Variants in RBMS3 observed in about 807,000 individuals in gnomAD.
RBMS3 encodes RNA-binding motif, single-stranded-interacting protein 3.
RBMS3 carries 27 observed loss-of-function variants against 66.8 expected under a neutral mutation model. That is an observed-to-expected ratio of 0.40 (90% confidence interval 0.30 to 0.56). The LOEUF (loss-of-function observed/expected upper bound fraction) is 0.56, where lower values mean the gene tolerates loss of function less well. Ranked by LOEUF, RBMS3 falls within the 20% of genes least tolerant of loss-of-function variation. RBMS3 has a pLI of 0.40. For synonymous variants in RBMS3, 188 were observed against 183.0 expected, an observed-to-expected ratio of 1.03 and a Z score of -0.22; for missense variants, 513 against 549.5, an observed-to-expected ratio of 0.93 and a Z score of 0.66.
At chr3:29,964,870 C>T (rs1445832400) in intron 12 of RBMS3, among the ~76,000 whole-genome samples, 3 of 152,020 alleles carry the variant, frequency 2.0e-5, no homozygotes, top group Non-Finnish European at 4.4e-5. Flanking sequence ...TCCTCACTCC[C>T]CTCCCACTCT....
At chr3:29,845,308 A>G (rs570782482) in intron 6 of RBMS3, among the ~76,000 whole-genome samples, 1 of 152,316 alleles carries the variant, frequency 6.6e-6, no homozygotes, top group African/African-American at 2.4e-5. Context: ...AAACTTTTAA[A>G]ACTTTCTGAA....
intron 12 of RBMS3, among the ~76,000 whole-genome samples, chr3:29,984,191 C>T (rs1253381303): frequency 1.3e-5 from 2 of 151,936 alleles, no homozygotes; most frequent in Admixed American, 6.6e-5. Flanking sequence ...CTTTCTTCCA[C>T]TTGATCAATT....
intron 4 of RBMS3, among the ~76,000 whole-genome samples, chr3:29,667,129 T>C (rs1422276549): frequency 6.6e-6 from 1 of 152,170 alleles, no homozygotes; most frequent in Non-Finnish European, 1.5e-5. Flanking sequence ...TTTCCCCAAA[T>C]AAATTGTAAA....
chr3:29,515,204 A>G (rs1018074043), intron 3 of RBMS3, among the ~76,000 whole-genome samples: 1 of 152,210 alleles, frequency 6.6e-6, no homozygotes, highest in Non-Finnish European at 1.5e-5. Flanking sequence ...TCCAAAATGA[A>G]TGTAAGTTTA....
intron 5 of RBMS3, among the ~76,000 whole-genome samples, chr3:29,746,583 G>A (rs2149359083): frequency 6.6e-6 from 1 of 152,200 alleles, no homozygotes; most frequent in South Asian, 2.1e-4. Flanking sequence ...CTTCTTTTGT[G>A]TGTCTCATCT....
chr3:29,611,535 A>G (rs890666536), intron 4 of RBMS3, among the ~76,000 whole-genome samples: 10 of 151,934 alleles, frequency 6.6e-5, no homozygotes, highest in Admixed American at 6.6e-4. Flanking sequence ...ATACTGTACA[A>G]AGCAATAAAA....
At chr3:29,799,034 A>G (rs1350140995) in intron 6 of RBMS3, among the ~76,000 whole-genome samples, 1 of 149,578 alleles carries the variant, frequency 6.7e-6, no homozygotes, top group Middle Eastern at 3.5e-3. Flanking sequence ...ATTAGCAACT[A>G]TTTCACAGAT....
At chr3:29,669,445 C>G (rs569872289) in intron 4 of RBMS3, among the ~76,000 whole-genome samples, 4 of 152,170 alleles carry the variant, frequency 2.6e-5, no homozygotes, top group African/African-American at 9.7e-5. Flanking sequence ...AGTGCCTTGT[C>G]CAAGGTCATG....
At chr3:29,688,564 ATTTTTTTTTTTTTTTTTTTTTT>A (rs55943638) in intron 4 of RBMS3, among the ~76,000 whole-genome samples, 3 of 67,118 alleles carry the variant, frequency 4.5e-5, no homozygotes, top group East Asian at 4.8e-4. Flanking sequence ...AAGTTACAGG[ATTTTTTTTTTTTTTTTTTTTTT>A]TTTTTTTTTT....
chr3:30,005,683 A>T lies in RBMS3; in HGVS notation c.*1821A>T, dbSNP rs1857884. 57,922 of 151,458 alleles carry T rather than the reference A, an allele frequency of 0.38. 13,685 individuals carry two copies. The highest frequency in any genetic ancestry group is 0.65 in the African/African-American group (26,853 of 41,340). 9.4% of individuals were successfully genotyped at this position (151,458 alleles called of 1,614,324 possible). A position where few individuals can be genotyped will look rare whatever the true frequency, so the allele number is the denominator to read the frequency against. ...GTTTTGCAAATGGGGAGGGGGTATC[A>T]TCTTTTTGCCTGTTTTCACTGTATT... is the stretch of plus-strand genomic sequence containing the variant. On this transcript the variant is annotated 3_prime_UTR_variant, in exon 15 of 15. Transcript: ENST00000383767.
intron 8 of RBMS3, among the ~76,000 whole-genome samples, chr3:29,888,503 T>C (rs1015187972): frequency 1.1e-4 from 16 of 151,678 alleles, no homozygotes; most frequent in African/African-American, 3.4e-4. Flanking sequence ...TGGTCTTTTC[T>C]CACTTTCTTT....
chr3:29,545,851 G>A (rs964348207), intron 3 of RBMS3, among the ~76,000 whole-genome samples: 1 of 152,110 alleles, frequency 6.6e-6, no homozygotes, highest in African/African-American at 2.4e-5. Context: ...AAAGCTCAAA[G>A]GCTGTCCAAA....
chr3:29,476,337 C>G (rs112240094), intron 2 of RBMS3, among the ~76,000 whole-genome samples: 5 of 152,294 alleles, frequency 3.3e-5, no homozygotes, highest in African/African-American at 1.2e-4. Context: ...TTTACATACT[C>G]TTTTAGGTCT....
At chr3:29,630,661 T>C (rs1306540876) in intron 4 of RBMS3, among the ~76,000 whole-genome samples, 1 of 152,010 alleles carries the variant, frequency 6.6e-6, no homozygotes, top group Non-Finnish European at 1.5e-5. Flanking sequence ...GTTAGAAATA[T>C]AATGTTTAAG....
chr3:29,928,235 C>CACACAT (rs1213185150), intron 10 of RBMS3, among the ~76,000 whole-genome samples: 7 of 141,412 alleles, frequency 5.0e-5, no homozygotes, highest in African/African-American at 1.9e-4. Context: ...CACACACACA[C>CACACAT]ATATATATGT....
chr3:29,543,170 G>T (rs927142050), intron 3 of RBMS3, among the ~76,000 whole-genome samples: 1 of 151,832 alleles, frequency 6.6e-6, no homozygotes, highest in African/African-American at 2.4e-5. Context: ...GATTAGAGGT[G>T]AGTATTAATA....
At chr3:29,563,825 GAGC>G (rs2046640953) in intron 3 of RBMS3, among the ~76,000 whole-genome samples, 1 of 151,996 alleles carries the variant, frequency 6.6e-6, no homozygotes, top group Non-Finnish European at 1.5e-5. Flanking sequence ...AGGAGTTAAA[GAGC>G]AGTCTGGGCA....
chr3:29,874,685 C>T (rs1355240980), intron 7 of RBMS3, among the ~76,000 whole-genome samples: 1 of 152,094 alleles, frequency 6.6e-6, no homozygotes, highest in East Asian at 1.9e-4. Flanking sequence ...TGTGCTTTAT[C>T]TGCAATTTAG....
In RBMS3 at chr3:29,739,791, G is replaced by C; in HGVS notation, c.471G>C (p.Glu157Asp). 1 of 1,613,318 alleles carries C rather than the reference G, an allele frequency of 6.2e-7. No homozygotes were observed. The highest frequency in any genetic ancestry group is 8.5e-7 in the Non-Finnish European group (1 of 1,179,416). Residue 157 changes from glutamate (E) to aspartate (D), a missense_variant, in exon 5 of 15, where the codon GAG becomes GAC. Coordinates refer to ENST00000383767, the MANE Select transcript of RBMS3 (RefSeq NM_001003793.3). ...TTTCTATGGATGAGCAGGAGCTTGA[G>C]AATATGCTGAAACCCTTTGGACATG... is the stretch of plus-strand genomic sequence containing the variant. Reference protein sequence around the residue: ...LPISMDEQELENMLKPFGHVI... With the variant: ...LPISMDEQELDNMLKPFGHVI...
Sources: gnomAD v4.1 joint callset for allele counts (sites outside exome capture counted in the v4.1 genomes callset) on GRCh38, gnomAD v4.1.1 for gene constraint, MANE v1.5 for transcripts, NCBI Gene and HGNC (gene_info 2026-07-23, HGNC 2026-07-21) for gene names.